DLGAP1: variants seen among roughly 807,000 people sequenced by gnomAD.
DLGAP1 encodes DLG associated protein 1.
A neutral mutation model predicts 90.8 loss-of-function variants in DLGAP1; 11 were observed. That is an observed-to-expected ratio of 0.12 (90% CI 0.08 to 0.20). The LOEUF (loss-of-function observed/expected upper bound fraction) is 0.20. Among genes scored for constraint, DLGAP1 ranks in the 10% least tolerant of loss-of-function variants. DLGAP1 has a pLI of 1.00. For synonymous variants in DLGAP1, 558 were observed against 540.7 expected (o/e 1.03, Z -0.44); for missense variants, 1,050 against 1,333.8 (o/e 0.79, Z 3.31).
At chr18:3,980,227 G>A (rs1479807052) in intron 3 of DLGAP1, among the ~76,000 whole-genome samples, 3 of 152,126 alleles carry the variant, frequency 2.0e-5, no homozygotes, top group Admixed American at 1.3e-4. Flanking sequence ...GAGAAGAGGA[G>A]AGGCTGCAGG....
chr18:4,010,978 C>A (rs1286807561), intron 2 of DLGAP1, among the ~76,000 whole-genome samples: 1 of 151,742 alleles, frequency 6.6e-6, no homozygotes, highest in African/African-American at 2.4e-5. Context: ...AAGTTTGAGA[C>A]CAGCCCGACT....
chr18:4,094,131 C>G (rs1004404554), intron 2 of DLGAP1, among the ~76,000 whole-genome samples: 1 of 151,934 alleles, frequency 6.6e-6, no homozygotes, highest in African/African-American at 2.4e-5. Context: ...ACTGTAATGA[C>G]TGGAATTAAA....
chr18:4,163,952 C>T (rs1179897248), intron 1 of DLGAP1, among the ~76,000 whole-genome samples: 1 of 152,150 alleles, frequency 6.6e-6, no homozygotes, highest in Non-Finnish European at 1.5e-5. Context: ...AGATGCTCCT[C>T]CCTCACTGAG....
At chr18:3,911,998 C>T (rs981608122) in intron 3 of DLGAP1, among the ~76,000 whole-genome samples, 12 of 152,112 alleles carry the variant, frequency 7.9e-5, no homozygotes, top group Admixed American at 2.0e-4. Context: ...CAAGTCCTGT[C>T]GAATCAAAAA....
Position 3,527,040 on chromosome 18 carries a change from T to C in DLGAP1, c.2479+7154A>G, listed in dbSNP as rs565471263. On this transcript the variant is annotated intron_variant, in intron 10 of 12. Transcript: ENST00000315677. Reference sequence around the variant, plus strand: ...TGAAGGTTTAAAACAAGAACTAAAGTCTTTGCTCTGCTTTGCATTTATCAG... The same window carrying C: ...TGAAGGTTTAAAACAAGAACTAAAGCCTTTGCTCTGCTTTGCATTTATCAG... Among the ~76,000 whole-genome samples the C allele has an allele frequency of 3.3e-5, 5 of 151,942 alleles. No individual in the cohort carries two copies. The East Asian group carries it at 9.6e-4, about 29-fold the overall frequency.
rs888414101 is a variant in DLGAP1, at chr18:3,775,884, A to T, written c.1173-33372T>A. Reference sequence around the variant, plus strand: ...ACAACCCTGGCTTCTGATACCATAGATTCGTTTGGTCTGTTTTTGAACTTG... The same window carrying T: ...ACAACCCTGGCTTCTGATACCATAGTTTCGTTTGGTCTGTTTTTGAACTTG... On this transcript the variant is annotated intron_variant, in intron 5 of 12. Coordinates refer to ENST00000315677, the MANE Select transcript of DLGAP1 (RefSeq NM_004746.4). The surrounding 1 kb of genome is among the most constrained non-coding windows in gnomAD (Gnocchi z 4.9). Among the ~76,000 whole-genome samples, 3 of 152,064 alleles carry T rather than the reference A, an allele frequency of 2.0e-5. No homozygotes were observed. The highest frequency in any genetic ancestry group is 7.2e-5 in the African/African-American group (3 of 41,408).
In DLGAP1 at chr18:3,833,195, TTCCTTCCTTCCTTCCTTCC is replaced by T. The variant is rs1193444056; in HGVS notation, c.958-18941_958-18923del. Among the ~76,000 whole-genome samples the T allele has an allele frequency of 6.6e-4, 66 of 100,614 alleles. 1 individual carries two copies. The highest frequency in any genetic ancestry group is 2.2e-3 in the African/African-American group (57 of 25,904). The allele number at this position is 100,614 out of a possible 152,430, so 66.0% of individuals were successfully genotyped here. A position where few individuals can be genotyped will look rare whatever the true frequency, so the allele number is the denominator to read the frequency against. On this transcript the variant is annotated intron_variant, in intron 4 of 12. Coordinates refer to ENST00000315677, the MANE Select transcript of DLGAP1 (RefSeq NM_004746.4). ...CTTCCTTCCTTCCTTCCTTCCTTCCTTCCTTCCTTCCTTCCTTCCTTCCTTCCTTCCTTCCTTCCTTCCT... is the reference window on the plus strand; with the variant it reads ...CTTCCTTCCTTCCTTCCTTCCTTCCTTTCCTTCCTTCCTTCCTTCCTTCCT...
intron 1 of DLGAP1, among the ~76,000 whole-genome samples, chr18:4,270,113 C>T (rs1406572219): frequency 2.0e-5 from 3 of 152,196 alleles, no homozygotes; most frequent in African/African-American, 7.2e-5. Context: ...TATTAAAGAA[C>T]CGGATCTCTC....
intron 7 of DLGAP1, among the ~76,000 whole-genome samples, chr18:3,667,398 CCTTT>C (rs1470356122): frequency 6.6e-6 from 1 of 152,092 alleles, no homozygotes; most frequent in Non-Finnish European, 1.5e-5. Context: ...ACCCTCTTAA[CCTTT>C]CTTTGTCTCC....
intron 4 of DLGAP1, among the ~76,000 whole-genome samples, chr18:3,823,509 T>A (rs895130787): frequency 1.3e-5 from 2 of 152,230 alleles, no homozygotes; most frequent in Non-Finnish European, 2.9e-5. Flanking sequence ...CTTGTCAGAA[T>A]TGAAAGACAG....
At chr18:4,076,571 A>G (rs2075525820) in intron 2 of DLGAP1, among the ~76,000 whole-genome samples, 1 of 152,136 alleles carries the variant, frequency 6.6e-6, no homozygotes, top group South Asian at 2.1e-4. Flanking sequence ...ATCATTATAT[A>G]AACTGTTTTC....
chr18:3,845,577 C>T (rs2068960232), intron 4 of DLGAP1: 1 of 985,438 alleles, frequency 1.0e-6, no homozygotes, highest in Non-Finnish European at 1.2e-6. Context: ...GTCTGGCATG[C>T]TCACTGTCCC....
intron 9 of DLGAP1, among the ~76,000 whole-genome samples, chr18:3,558,523 G>A (rs767560035): frequency 3.3e-5 from 5 of 152,146 alleles, no homozygotes; most frequent in Non-Finnish European, 5.9e-5. Flanking sequence ...ATTAGCCACC[G>A]GGCCCAGCTA....
intron 5 of DLGAP1, among the ~76,000 whole-genome samples, chr18:3,799,491 C>A (rs1164634476): frequency 7.7e-6 from 1 of 130,186 alleles, no homozygotes; most frequent in Non-Finnish European, 1.7e-5. Flanking sequence ...ACTTAAAAAA[C>A]GTAGTGCCTT....
Position 4,327,609 on chromosome 18 carries a change from T to C in DLGAP1, c.-267+127397A>G, listed in dbSNP as rs572689215. Among the ~76,000 whole-genome samples the C allele has an allele frequency of 1.9e-4, 29 of 152,190 alleles. 1 individual carries two copies. The highest frequency in any genetic ancestry group is 3.4e-3 in the Middle Eastern group (1 of 292). ...TGTTGCACACAATAAAATTTATCAA[T>C]TGTGCACATACATCTTAATTTGTAA... On this transcript the variant is annotated intron_variant, in intron 1 of 12. Transcript: ENST00000315677.
At chr18:3,996,141 G>A (rs2074064768) in intron 3 of DLGAP1, among the ~76,000 whole-genome samples, 1 of 151,880 alleles carries the variant, frequency 6.6e-6, no homozygotes, top group Non-Finnish European at 1.5e-5. Flanking sequence ...GAGAGAAAAG[G>A]GAGAATTTTT....
intron 4 of DLGAP1, among the ~76,000 whole-genome samples, chr18:3,825,601 A>T (rs1264320333): frequency 1.3e-5 from 2 of 152,116 alleles, no homozygotes; most frequent in African/African-American, 4.8e-5. Context: ...TTTTTGACCC[A>T]TGGTTGGTTA....
chr18:4,081,959 G>A (rs539004671), intron 2 of DLGAP1, among the ~76,000 whole-genome samples: 45 of 152,250 alleles, frequency 3.0e-4, no homozygotes, highest in African/African-American at 9.9e-4. Context: ...TGTAATCCCA[G>A]CACTATGGGA....
At chr18:3,504,114 C>CAGAT (rs988708905) in intron 11 of DLGAP1, among the ~76,000 whole-genome samples, 1 of 151,864 alleles carries the variant, frequency 6.6e-6, no homozygotes, top group Non-Finnish European at 1.5e-5. Flanking sequence ...AATAAATAAA[C>CAGAT]AGATAGATAG....
Sources: allele counts gnomAD v4.1 joint callset (sites outside exome capture counted in the v4.1 genomes callset), GRCh38; gene constraint gnomAD v4.1.1; non-coding constraint Gnocchi (gnomAD v3.1); transcripts MANE v1.5; gene names NCBI Gene and HGNC (gene_info 2026-07-23, HGNC 2026-07-21).